NTRK3: variants seen among roughly 807,000 people sequenced by gnomAD.
The protein encoded by NTRK3 is neurotrophic receptor tyrosine kinase 3, also known as NT-3 growth factor receptor.
Under a neutral mutation model 91.7 loss-of-function variants are expected in NTRK3, and 24 were observed. The ratio of observed to expected loss-of-function variants is 0.26; its 90% CI spans 0.19 to 0.37. The LOEUF is 0.37. NTRK3 is among the 10% of genes least tolerant of loss of function. The pLI is 1.00. For synonymous variants in NTRK3, 483 were observed against 404.0 expected (o/e 1.20, Z -2.34); for missense variants, 880 against 1,068.9 (o/e 0.82, Z 2.46).
Position 88,113,619 on chromosome 15 carries a change from CT to C in NTRK3, c.1396+12651del, listed in dbSNP as rs199659076. Among the ~76,000 whole-genome samples, 964 of 151,672 alleles carry C rather than the reference CT, an allele frequency of 6.4e-3. 13 individuals are homozygous for C. The highest frequency in any genetic ancestry group is 0.022 in the African/African-American group (909 of 41,388). On this transcript the variant is annotated intron_variant, in intron 13 of 18. Transcript: ENST00000394480. ...GCATGAGCCACCACAGCTGGTCTAACTTTTTTTTTAAGGGTAACATGAAACT... is the reference window on the plus strand; with the variant it reads ...GCATGAGCCACCACAGCTGGTCTAACTTTTTTTTAAGGGTAACATGAAACT...
intron 10 of NTRK3, among the ~76,000 whole-genome samples, chr15:88,134,014 A>C (rs2151180405): frequency 6.6e-6 from 1 of 152,340 alleles, no homozygotes; most frequent in East Asian, 1.9e-4. Flanking sequence ...TAGACTGTGA[A>C]GTTGACTTCA....
At chr15:87,909,033 A>G (rs1247969190) in intron 17 of NTRK3, among the ~76,000 whole-genome samples, 6 of 152,106 alleles carry the variant, frequency 3.9e-5, no homozygotes, top group African/African-American at 1.4e-4. Context: ...AGCTTCTGAG[A>G]GAATTATTGC....
rs1201400808 is a variant in NTRK3 at position 88,241,954 on chromosome 15, C to T, written c.248+13952G>A. On this transcript the variant is annotated intron_variant, in intron 3 of 18. Transcript: ENST00000394480. This position sits in a 1 kb window ranked among gnomAD's most constrained non-coding sequence, Gnocchi z 4.3. ...GGAGACCTAGGGACAATGGAGACCT[C>T]AGGGGTCCTGCTCTCCACGGCTTTC... 6.6e-6 allele frequency among the ~76,000 whole-genome samples: 1 copy of T among 152,174 alleles called. No homozygotes were observed. Among genetic ancestry groups the T allele is most frequent in the African/African-American group, 2.4e-5 (1 of 41,440 alleles).
At chr15:87,871,244 G>T in exon 19 of NTRK3, 1 of 230,684 alleles carries the variant, frequency 4.3e-6, no homozygotes, top group Non-Finnish European at 8.6e-6. Context: ...TACTTTCATA[G>T]GAAAATAAGG....
chr15:87,954,666 G>T (rs2141144932), intron 14 of NTRK3, among the ~76,000 whole-genome samples: 1 of 152,346 alleles, frequency 6.6e-6, no homozygotes, highest in Admixed American at 6.5e-5. Context: ...CCCCAGAAAA[G>T]TTTCTAGCTG....
chr15:88,016,538 C>A (rs2077244414), intron 14 of NTRK3, among the ~76,000 whole-genome samples: 1 of 152,236 alleles, frequency 6.6e-6, no homozygotes, highest in East Asian at 1.9e-4. Context: ...AAGCAGAATG[C>A]TATGGCAGGC....
chr15:88,183,021 C>A (rs915178197), intron 5 of NTRK3, among the ~76,000 whole-genome samples: 2 of 142,346 alleles, frequency 1.4e-5, no homozygotes, highest in African/African-American at 5.2e-5. Flanking sequence ...AACCCCCCCC[C>A]GCCCCCCGCC....
chr15:87,861,636 C>G (rs2141371121), exon 19 of NTRK3: 1 of 193,962 alleles, frequency 5.2e-6, no homozygotes, highest in South Asian at 1.9e-4. Flanking sequence ...TCCCACTTAG[C>G]CAGTGCCGGC....
chr15:87,911,008 A>G lies in NTRK3; in HGVS notation c.2133+18183T>C, dbSNP rs528167211. Among the ~76,000 whole-genome samples the G allele has an allele frequency of 7.9e-5, 12 of 152,330 alleles. No homozygotes were observed. The South Asian group carries it at 1.9e-3, about 24-fold the overall frequency. ...AAAGTACTTATTTCAATATTCAGGC[A>G]AAGTTAGAAGGGATAGAAAGGTCAA... On this transcript the variant is annotated intron_variant, in intron 17 of 18. Coordinates refer to ENST00000394480, the Ensembl canonical transcript of NTRK3.
intron 13 of NTRK3, among the ~76,000 whole-genome samples, chr15:88,111,311 G>A (rs530056040): frequency 1.3e-5 from 2 of 152,176 alleles, no homozygotes; most frequent in East Asian, 3.9e-4. Context: ...GTTTCCCGAA[G>A]TACTAATACT....
At chr15:87,959,701 C>G (rs2141187719) in intron 14 of NTRK3, among the ~76,000 whole-genome samples, 1 of 152,298 alleles carries the variant, frequency 6.6e-6, no homozygotes, top group East Asian at 1.9e-4. Context: ...AGCTAGAGCT[C>G]CATCACAGCA....
intron 3 of NTRK3, among the ~76,000 whole-genome samples, chr15:88,206,697 CAA>C (rs1176706222): frequency 1.3e-5 from 2 of 149,774 alleles, no homozygotes; most frequent in Non-Finnish European, 3.0e-5. Flanking sequence ...CCAGAAACCT[CAA>C]AGAGTCCTGG....
intron 17 of NTRK3, among the ~76,000 whole-genome samples, chr15:87,890,287 G>C (rs918879830): frequency 6.6e-6 from 1 of 152,088 alleles, no homozygotes. Context: ...AGTCACTGAT[G>C]ATCACTGCCC....
chr15:87,885,612 T>G (rs2141513879), intron 17 of NTRK3, 82 bp downstream of exon 18: 1 of 767,000 alleles, frequency 1.3e-6, no homozygotes. Flanking sequence ...ATATTGGAAT[T>G]TAATATATGA....
intron 13 of NTRK3, among the ~76,000 whole-genome samples, chr15:88,099,758 C>T (rs1283643789): frequency 1.3e-5 from 2 of 152,144 alleles, no homozygotes; most frequent in African/African-American, 2.4e-5. Context: ...TCTATGACCA[C>T]ATTGACTTAA....
chr15:87,995,903 C>A (rs1016898473), intron 14 of NTRK3, among the ~76,000 whole-genome samples: 6 of 152,178 alleles, frequency 3.9e-5, no homozygotes, highest in African/African-American at 1.2e-4. Flanking sequence ...ATAATTTTCA[C>A]GTGTTACAAA....
chr15:87,960,317 A>G (rs570795436), intron 14 of NTRK3, among the ~76,000 whole-genome samples: 1 of 152,278 alleles, frequency 6.6e-6, no homozygotes, highest in South Asian at 2.1e-4. Context: ...TCTTACATGA[A>G]TTAATAACTC....
At chr15:88,150,053 C>A (rs2043232478) in intron 5 of NTRK3, among the ~76,000 whole-genome samples, 3 of 152,210 alleles carry the variant, frequency 2.0e-5, no homozygotes, top group South Asian at 4.1e-4. Flanking sequence ...CCTCCCTGAA[C>A]AAAACCCATG....
chr15:87,985,076 A>G (rs1283095723), intron 14 of NTRK3, among the ~76,000 whole-genome samples: 2 of 152,152 alleles, frequency 1.3e-5, no homozygotes, highest in Non-Finnish European at 2.9e-5. Context: ...CCCTCTGGTC[A>G]TGGCTAACAA....
Sources: allele counts gnomAD v4.1 joint callset (sites outside exome capture counted in the v4.1 genomes callset), GRCh38; gene constraint gnomAD v4.1.1; non-coding constraint Gnocchi (gnomAD v3.1); transcripts MANE v1.5; gene names NCBI Gene and HGNC (gene_info 2026-07-23, HGNC 2026-07-21).